The following CDH23 variants were observed in gnomAD, a reference collection of about 807,000 sequenced individuals.
The protein encoded by CDH23 is cadherin related 23.
CDH23 carries 189 observed loss-of-function variants against 317.1 expected under a neutral mutation model. The ratio of observed to expected loss-of-function variants is 0.60; its 90% CI spans 0.53 to 0.67. The LOEUF is 0.67. Among genes scored for constraint, CDH23 ranks in the 30% least tolerant of loss-of-function variants. CDH23 has a pLI of 0.00. For missense variants in CDH23, 4,401 were observed against 4,592.4 expected (o/e 0.96, Z 1.20); for synonymous variants, 1,839 against 1,876.8 (o/e 0.98, Z 0.52).
At position 71,709,141 on chromosome 10, in the gene CDH23, C is replaced by A. The variant is rs764006222; in HGVS notation, c.3150C>A (p.Ala1050=). ...DGKFSVGYRD[A]VVRTVVGLDR... ...AGTTCAGCGTGGGTTACCGCGATGC[C>A]GTTGTGAGAACCGTGGTGGGCCTGG... The change falls in exon 27 of 70, where the codon GCC becomes GCA. Residue 1050 remains alanine (A), a synonymous_variant. Coordinates refer to ENST00000224721, the MANE Select transcript of CDH23 (RefSeq NM_022124.6). 6.2e-7 allele frequency: 1 copy of A among 1,613,932 alleles called. No individual in the cohort carries two copies. The highest frequency in any genetic ancestry group is 1.1e-5 in the South Asian group (1 of 91,074).
rs147306842 is a variant in CDH23, at chr10:71,412,892, A to G, written c.-6+15574A>G. On this transcript the variant is annotated intron_variant, in intron 1 of 69. Transcript: ENST00000224721. ...ATATTTTGGATATTAATCCTTTATC[A>G]GATGTGTGATTTACAGATATGTTCA... is the stretch of plus-strand genomic sequence containing the variant. Among the ~76,000 whole-genome samples, 9 of 152,254 alleles carry G rather than the reference A, an allele frequency of 5.9e-5. No homozygotes were observed. In the East Asian group the frequency reaches 1.7e-3, roughly 29 times the overall value.
At position 71,734,335 on chromosome 10, in the gene CDH23, C is replaced by T. The variant is rs757130237; in HGVS notation, c.4200C>T (p.Ser1400=). The change falls in exon 33 of 70, where the codon TCC becomes TCT. Residue 1400 remains serine (S), a synonymous_variant. Transcript: ENST00000224721. ...VADDGGPKVD[S]TVKVYITVLD... Reference sequence around the variant, plus strand: ...ATGACGGCGGCCCCAAGGTGGACTCCACCGTGGTGAGTGGGACCAGGGTGA... The same window carrying T: ...ATGACGGCGGCCCCAAGGTGGACTCTACCGTGGTGAGTGGGACCAGGGTGA... 1 of 1,607,404 alleles carries T rather than the reference C, an allele frequency of 6.2e-7. No individual in the cohort carries two copies. Among genetic ancestry groups the T allele is most frequent in the Non-Finnish European group, 8.5e-7 (1 of 1,176,878 alleles).
At chr10:71,617,507 A>T (rs1194889854) in intron 11 of CDH23, 114 bp downstream of exon 11, 1 of 1,515,996 alleles carries the variant, frequency 6.6e-7, no homozygotes, top group Non-Finnish European at 8.8e-7. Flanking sequence ...GCGGCACCCC[A>T]CTCCTGGTAG....
chr10:71,625,362 C>T (rs1325684777), intron 11 of CDH23, among the ~76,000 whole-genome samples: 1 of 144,198 alleles, frequency 6.9e-6, no homozygotes, highest in Non-Finnish European at 1.5e-5. Context: ...AAGAATTACC[C>T]ACCTCCCCAT....
intron 3 of CDH23, among the ~76,000 whole-genome samples, chr10:71,502,153 A>C (rs898689802): frequency 6.6e-6 from 1 of 152,208 alleles, no homozygotes; most frequent in African/African-American, 2.4e-5. Context: ...GCCTGCAGAC[A>C]CCAAGGCTGG....
intron 31 of CDH23, 81 bp from the exon 32 acceptor site, chr10:71,731,906 T>C: frequency 1.4e-6 from 2 of 1,477,182 alleles, no homozygotes. Context: ...CCAGGGGGTA[T>C]GGGTGTGGCA....
At chr10:71,517,184 G>A (rs1355288990) in intron 6 of CDH23, among the ~76,000 whole-genome samples, 3 of 152,220 alleles carry the variant, frequency 2.0e-5, no homozygotes, top group Non-Finnish European at 4.4e-5. Flanking sequence ...GGTCTACCGA[G>A]GTGAGGGCTT....
intron 3 of CDH23, among the ~76,000 whole-genome samples, chr10:71,485,844 AC>A (rs1467212752): frequency 6.6e-6 from 1 of 152,224 alleles, no homozygotes; most frequent in African/African-American, 2.4e-5. Context: ...CCACATTTGA[AC>A]AGGAGGTTGT....
At chr10:71,600,848 A>G (rs747765589) in intron 9 of CDH23, among the ~76,000 whole-genome samples, 7 of 152,078 alleles carry the variant, frequency 4.6e-5, no homozygotes, top group East Asian at 3.8e-4. Context: ...GACCTTTCCT[A>G]TACCCCATGG....
In CDH23 at chr10:71,577,986, G is replaced by A. The variant is rs559734973; in HGVS notation, c.826G>A (p.Val276Ile). The A allele has an allele frequency of 1.1e-5, 17 of 1,598,222 alleles. No individual in the cohort carries two copies. The East Asian group carries it at 1.6e-4, about 15-fold the overall frequency. The change falls in exon 9 of 70, where the codon GTT (valine) becomes ATT (isoleucine). Residue 276 changes from valine to isoleucine, a missense_variant. Coordinates refer to ENST00000224721, the MANE Select transcript of CDH23 (RefSeq NM_022124.6). ...TCCCCGGGGCATTGGCTACACCATC[G>A]TTTCAGGTAAGACAGAAGGCTGCCC... ...GRPRGIGYTI[V>I]SGNTNSIFAL...
At chr10:71,404,352 C>G (rs1017404363) in intron 1 of CDH23, among the ~76,000 whole-genome samples, 3 of 152,186 alleles carry the variant, frequency 2.0e-5, no homozygotes, top group African/African-American at 7.2e-5. Flanking sequence ...CCTGCAGCTG[C>G]CTTTTAAATT....
At chr10:71,738,689 G>A (rs548865481) in intron 35 of CDH23, 42 bp downstream of exon 35, 285 of 1,599,886 alleles carry the variant, frequency 1.8e-4, no homozygotes, top group Non-Finnish European at 2.3e-4. Flanking sequence ...CCATGTCAGC[G>A]GGGCTCCCAC....
intron 38 of CDH23, chr10:71,761,055 G>T: frequency 1.1e-6 from 1 of 874,168 alleles, no homozygotes; most frequent in Non-Finnish European, 1.9e-6. Context: ...TTGGCCCAGT[G>T]GCAGCCTGCA....
At chr10:71,735,871 C>T (rs1452562412) in intron 34 of CDH23, among the ~76,000 whole-genome samples, 1 of 152,166 alleles carries the variant, frequency 6.6e-6, no homozygotes, top group Non-Finnish European at 1.5e-5. Context: ...CAAGGGCAGC[C>T]GGTGAGCAGA....
intron 3 of CDH23, among the ~76,000 whole-genome samples, chr10:71,448,192 G>A (rs1260822905): frequency 6.6e-6 from 1 of 152,356 alleles, no homozygotes. Flanking sequence ...GTATTGGGAT[G>A]GGTTGGGGAG....
Position 71,811,315 on chromosome 10 carries a change from G to C in CDH23, c.9078G>C (p.Arg3026=), listed in dbSNP as rs727504725. ...RDTNRILDVD[R]VIQMIDENKE... ...GCTGAGACCCCTGCCCCTCGCCCAG[G>C]GTGATCCAGATGATCGATGAGAACA... The change falls in exon 63 of 70, where the codon CGG becomes CGC. Residue 3026 remains arginine (R), a splice_region_variant and synonymous_variant. Transcript: ENST00000224721. 6.2e-6 allele frequency: 10 copies of C among 1,613,648 alleles called. No homozygotes were observed. The highest frequency in any genetic ancestry group is 1.6e-4 in the Middle Eastern group (1 of 6,082).
intron 11 of CDH23, among the ~76,000 whole-genome samples, chr10:71,627,064 C>T (rs10823805): frequency 0.37 from 55,754 of 151,880 alleles, 10,718 homozygotes; most frequent in East Asian, 0.6. Context: ...GTTGAGCATC[C>T]ACACAAAACA....
Position 71,793,241 on chromosome 10 carries a change from G to C in CDH23, c.6313G>C (p.Val2105Leu). ...GGACAGTGGCCTCAATGGGGAGCTG[G>C]TCTACCGAATAGAAGCTGGGGCTCA... ...DEDSGLNGEL[V>L]YRIEAGAQDR... The change falls in exon 48 of 70, where the codon GTC (valine) becomes CTC (leucine). Residue 2105 changes from valine (V) to leucine (L), a missense_variant. This residue lies in a region of CDH23 where 3,068 missense variants were observed against 3,203.3 expected (regional missense o/e 0.96). Coordinates refer to ENST00000224721, the MANE Select transcript of CDH23 (RefSeq NM_022124.6). 1 of 1,613,882 alleles carries C rather than the reference G, an allele frequency of 6.2e-7. No homozygotes were observed. The highest frequency in any genetic ancestry group is 8.5e-7 in the Non-Finnish European group (1 of 1,179,864).
At chr10:71,767,808 A>T (rs1332423704) in intron 38 of CDH23, among the ~76,000 whole-genome samples, 2 of 152,222 alleles carry the variant, frequency 1.3e-5, no homozygotes, top group Non-Finnish European at 2.9e-5. Context: ...ACATCAGACC[A>T]AGGGGGCTGG....
Sources: allele counts gnomAD v4.1 joint callset (sites outside exome capture counted in the v4.1 genomes callset), GRCh38; gene constraint gnomAD v4.1.1; regional missense constraint gnomAD v4.1.1; transcripts MANE v1.5; gene names NCBI Gene and HGNC (gene_info 2026-07-23, HGNC 2026-07-21).